PRSS50: variants seen among roughly 807,000 people sequenced by gnomAD.
The protein encoded by PRSS50 is serine protease 50, also known as probable threonine protease PRSS50.
A neutral mutation model predicts 34.2 loss-of-function variants in PRSS50; 23 were observed. The observed-to-expected ratio is 0.67, with a 90% CI of 0.48 to 0.95. PRSS50 has a LOEUF of 0.95. Ranked by LOEUF, PRSS50 falls within the 40% of genes least tolerant of loss-of-function variation. The pLI, the probability that PRSS50 is intolerant of heterozygous loss-of-function variation, is 0.00. For synonymous variants in PRSS50, 224 were observed against 211.2 expected, an observed-to-expected ratio of 1.06 and a Z score of -0.53; for missense variants, 484 against 513.4, an observed-to-expected ratio of 0.94 and a Z score of 0.55.
rs370973481 is a variant in PRSS50, at chr3:46,712,452, T to C, written c.952A>G (p.Met318Val). 20 of 1,614,052 alleles carry C rather than the reference T, an allele frequency of 1.2e-5. No homozygotes were observed. In the African/African-American group the frequency reaches 2.4e-4, roughly 19 times the overall value. ...CCCACCAGGTACCACGTGCCCTCCA[T>C]GGAGCAGACCAAGGGCTCTCCAGTT... ...ELTGEPLVCS[M>V]EGTWYLVGLV... The change falls in exon 6 of 6, where the codon ATG (methionine) becomes GTG (valine). Residue 318 changes from methionine to valine, a missense_variant. Transcript: ENST00000315170.
rs748577656 is a variant in PRSS50 at position 46,712,386 on chromosome 3, G to A, written c.1018C>T (p.Pro340Ser). The A allele has an allele frequency of 2.0e-5, 33 of 1,613,742 alleles. No homozygotes were observed. The highest frequency in any genetic ancestry group is 2.6e-5 in the Non-Finnish European group (31 of 1,179,930). Residue 340 changes from proline (P) to serine (S), a missense_variant, in exon 6 of 6, where the codon CCA (proline) becomes TCA (serine). By Grantham distance (74) the Pro-to-Ser change is moderately conservative (BLOSUM62 -1). Coordinates refer to ENST00000315170, the MANE Select transcript of PRSS50 (RefSeq NM_013270.5). Reference protein sequence around the residue: ...WGAGCQKSEAPPIYLQVSSYQ... With the variant: ...WGAGCQKSEASPIYLQVSSYQ... ...GAGGAGACCTGTAGGTAGATGGGTG[G>A]GGCCTCGCTCTTCTGGCAGCCTGCA...
In PRSS50 at chr3:46,717,781, C is replaced by T. The variant is rs372386834; in HGVS notation, c.44G>A (p.Arg15Gln). The part of the protein sequence containing the change: ...CQTVARGQRP[R>Q]TSAPSRAGAL... ...ACCGGCGCGGGAGGGGGCAGACGTC[C>T]GGGGGCGCTGCCCGCGCGCGACGGT... The change falls in exon 1 of 6, where the codon CGG becomes CAG. Residue 15 changes from arginine (R) to glutamine (Q), a missense_variant. Coordinates refer to ENST00000315170, the MANE Select transcript of PRSS50 (RefSeq NM_013270.5). The surrounding 1 kb of genome is among the most constrained non-coding windows in gnomAD (Gnocchi z 4.5). 2.3e-4 allele frequency: 367 copies of T among 1,563,774 alleles called. No individual in the cohort carries two copies. The highest frequency in any genetic ancestry group is 2.9e-4 in the Non-Finnish European group (331 of 1,155,982).
At chr3:46,714,005 G>A (rs1389621582) in intron 4 of PRSS50, among the ~76,000 whole-genome samples, 1 of 152,218 alleles carries the variant, frequency 6.6e-6, no homozygotes, top group Admixed American at 6.5e-5. Context: ...AAGGCAATCA[G>A]GGTCCCCTGA....
chr3:46,714,426 C>T lies in PRSS50; in HGVS notation c.546G>A (p.Pro182=), dbSNP rs556508011. The T allele has an allele frequency of 3.4e-5, 55 of 1,612,040 alleles. 2 individuals are homozygous for T. The South Asian group carries it at 5.4e-4, about 16-fold the overall frequency. Residue 182 remains proline, a synonymous_variant, in exon 4 of 6, where the codon CCG becomes CCA. Coordinates refer to ENST00000315170, the MANE Select transcript of PRSS50 (RefSeq NM_013270.5). ...TGCTATGCATGATGACCTGGAGCACCGGGACATCGGAGGCGGTCTGCGTCA... is the reference window on the plus strand; with the variant it reads ...TGCTATGCATGATGACCTGGAGCACTGGGACATCGGAGGCGGTCTGCGTCA... ...DQMTQTASDV[P]VLQVIMHSRY... is the part of the protein sequence containing the mutation.
chr3:46,717,605 G>C lies in PRSS50; in HGVS notation c.139C>G (p.Leu47Val), dbSNP rs1326858594. The C allele has an allele frequency of 6.2e-7, 1 of 1,613,362 alleles. No individual in the cohort carries two copies. Among genetic ancestry groups the C allele is most frequent in the Non-Finnish European group, 8.5e-7 (1 of 1,179,822 alleles). ...TGGTCGGCGGGATCAGCAGTGGACA[G>C]CGCCCCCGGGGCTTCCCCTGCGCCC... is the stretch of plus-strand genomic sequence containing the variant. ...CWGAGEAPGA[L>V]STADPADQSV... Residue 47 changes from leucine to valine, a missense_variant, in exon 2 of 6, where the codon CTG (leucine) becomes GTG (valine). Leu to Val is a conservative substitution (Grantham distance 32, BLOSUM62 1). Transcript: ENST00000315170. This position sits in a 1 kb window ranked among gnomAD's most constrained non-coding sequence, Gnocchi z 4.5.
intron 4 of PRSS50, among the ~76,000 whole-genome samples, 173 bp downstream of exon 4, chr3:46,714,045 G>A (rs1449192571): frequency 1.3e-5 from 2 of 152,198 alleles, no homozygotes; most frequent in African/African-American, 4.8e-5. Context: ...TGTTCCCCAC[G>A]AGATCCTCAA....
chr3:46,712,395 T>C lies in PRSS50; in HGVS notation c.1009A>G (p.Ser337Gly). Residue 337 changes from serine (S) to glycine (G), a missense_variant, in exon 6 of 6, where the codon AGC becomes GGC. By Grantham distance (56) the Ser-to-Gly change is moderately conservative (BLOSUM62 0). Transcript: ENST00000315170. ...TGTAGGTAGATGGGTGGGGCCTCGC[T>C]CTTCTGGCAGCCTGCACCCCAGCTC... ...LVSWGAGCQK[S>G]EAPPIYLQVS... is the part of the protein sequence containing the mutation. The C allele has an allele frequency of 6.2e-7, 1 of 1,613,798 alleles. No homozygotes were observed. Among genetic ancestry groups the C allele is most frequent in the Non-Finnish European group, 8.5e-7 (1 of 1,179,920 alleles).
Position 46,717,579 on chromosome 3 carries a change from C to G in PRSS50, c.165G>C (p.Gln55His), listed in dbSNP as rs1700700737. 1.9e-6 allele frequency: 3 copies of G among 1,613,722 alleles called. No homozygotes were observed. Among genetic ancestry groups the G allele is most frequent in the South Asian group, 1.1e-5 (1 of 91,082 alleles). Residue 55 changes from glutamine to histidine, a missense_variant, in exon 2 of 6, where the codon CAG becomes CAC. Transcript: ENST00000315170. This position sits in a 1 kb window ranked among gnomAD's most constrained non-coding sequence, Gnocchi z 4.5. ...TGGCCTTGGGGACACACTGGACGCT[C>G]TGGTCGGCGGGATCAGCAGTGGACA... Reference protein sequence around the residue: ...GALSTADPADQSVQCVPKATC... With the variant: ...GALSTADPADHSVQCVPKATC...
Position 46,715,638 on chromosome 3 carries a change from G to A in PRSS50, c.367C>T (p.Arg123Trp), listed in dbSNP as rs768513309. 1.2e-5 allele frequency: 19 copies of A among 1,611,454 alleles called. No homozygotes were observed. The highest frequency in any genetic ancestry group is 2.2e-5 in the South Asian group (2 of 90,808). The change falls in exon 3 of 6, where the codon CGG becomes TGG. Residue 123 changes from arginine (R) to tryptophan (W), a missense_variant. Transcript: ENST00000315170. The surrounding 1 kb of genome is among the most constrained non-coding windows in gnomAD (Gnocchi z 5.2). The part of the protein sequence containing the change: ...TLRDPEAVAR[R>W]WPWMVSVRAN... ...CGCACGCTGACCATCCAGGGCCACCGCCGAGCCACGGCTTCTGGGTCCCTG... is the reference window on the plus strand; with the variant it reads ...CGCACGCTGACCATCCAGGGCCACCACCGAGCCACGGCTTCTGGGTCCCTG...
chr3:46,715,662 T>C lies in PRSS50; in HGVS notation c.343A>G (p.Arg115Gly). 2 of 1,610,192 alleles carry C rather than the reference T, an allele frequency of 1.2e-6. No individual in the cohort carries two copies. The highest frequency in any genetic ancestry group is 1.7e-6 in the Non-Finnish European group (2 of 1,178,222). The change falls in exon 3 of 6, where the codon AGG (arginine) becomes GGG (glycine). Residue 115 changes from arginine (R) to glycine (G), a missense_variant. Arg to Gly is a moderately radical substitution (Grantham distance 125, BLOSUM62 -2). Transcript: ENST00000315170. This position sits in a 1 kb window ranked among gnomAD's most constrained non-coding sequence, Gnocchi z 5.2. Reference protein sequence around the residue: ...GFSYEQDPTLRDPEAVARRWP... With the variant: ...GFSYEQDPTLGDPEAVARRWP... ...CGCCGAGCCACGGCTTCTGGGTCCC[T>C]GAGGGTGGGGTCCTGCTCGTAGGAA...
chr3:46,712,510 TCAGGGAGGC>T, intron 5 of PRSS50, 28 bp from the exon 6 acceptor site: 1 of 1,608,456 alleles, frequency 6.2e-7, no homozygotes, highest in African/African-American at 1.3e-5. Context: ...GGAGTAAGGG[TCAGGGAGGC>T]CAGGCAAGGC....
chr3:46,715,823 T>A lies in PRSS50; in HGVS notation c.308-126A>T. 9.7e-7 allele frequency: 1 copy of A among 1,031,594 alleles called. No individual in the cohort carries two copies. Among genetic ancestry groups the A allele is most frequent in the Non-Finnish European group, 1.4e-6 (1 of 715,504 alleles). The allele number at this position is 1,031,594 out of a possible 1,614,324, so 63.9% of individuals were successfully genotyped here. A position where few individuals can be genotyped will look rare whatever the true frequency, so the allele number is the denominator to read the frequency against. ...TCCAGGGGTGCTCCCTTTTCACCTG[T>A]CACCATGGAATGATGCTGTCCACAT... is the stretch of plus-strand genomic sequence containing the variant. On this transcript the variant is annotated intron_variant, in intron 2 of 5. Transcript: ENST00000315170. This position sits in a 1 kb window ranked among gnomAD's most constrained non-coding sequence, Gnocchi z 5.2.
chr3:46,715,831 G>T lies in PRSS50; in HGVS notation c.308-134C>A. 2 of 939,458 alleles carry T rather than the reference G, an allele frequency of 2.1e-6. No homozygotes were observed. The highest frequency in any genetic ancestry group is 3.2e-6 in the Non-Finnish European group (2 of 633,230). 58.2% of individuals were successfully genotyped at this position (939,458 alleles called of 1,614,324 possible). ...TGCTCCCTTTTCACCTGTCACCATG[G>T]AATGATGCTGTCCACATGTGGACTG... On this transcript the variant is annotated intron_variant, in intron 2 of 5. Transcript: ENST00000315170. This position sits in a 1 kb window ranked among gnomAD's most constrained non-coding sequence, Gnocchi z 5.2.
In PRSS50 at chr3:46,717,330, C is replaced by T. The variant is rs753241698; in HGVS notation, c.307+107G>A. The T allele has an allele frequency of 7.7e-7, 1 of 1,296,450 alleles. No homozygotes were observed. Among genetic ancestry groups the T allele is most frequent in the Non-Finnish European group, 1.1e-6 (1 of 927,302 alleles). The allele number at this position is 1,296,450 out of a possible 1,614,324, so 80.3% of individuals were successfully genotyped here. On this transcript the variant is annotated intron_variant, in intron 2 of 5. Transcript: ENST00000315170. This position sits in a 1 kb window ranked among gnomAD's most constrained non-coding sequence, Gnocchi z 4.5. The stretch of plus-strand genomic sequence containing the variant: ...AACACCTGTAGAAGGAGGCGCTCCT[C>T]TATCCTGCTCGCCCCCGTCCCTTCT...
In PRSS50 at chr3:46,715,805, G is replaced by A; in HGVS notation, c.308-108C>T. 8.0e-7 allele frequency: 1 copy of A among 1,252,882 alleles called. No homozygotes were observed. 77.6% of individuals were successfully genotyped at this position (1,252,882 alleles called of 1,614,324 possible). A position where few individuals can be genotyped will look rare whatever the true frequency, so the allele number is the denominator to read the frequency against. ...GCCACTGGCCTGCACCCATCCAGGG[G>A]TGCTCCCTTTTCACCTGTCACCATG... is the stretch of plus-strand genomic sequence containing the variant. On this transcript the variant is annotated intron_variant, in intron 2 of 5. Coordinates refer to ENST00000315170, the MANE Select transcript of PRSS50 (RefSeq NM_013270.5). This position sits in a 1 kb window ranked among gnomAD's most constrained non-coding sequence, Gnocchi z 5.2.
At chr3:46,712,568 A>C in intron 5 of PRSS50, 86 bp from the exon 6 acceptor site, 2 of 1,230,376 alleles carry the variant, frequency 1.6e-6, no homozygotes, top group Non-Finnish European at 2.4e-6. Flanking sequence ...GGATGTCCTC[A>C]CACCACACCT....
intron 5 of PRSS50, 37 bp downstream of exon 5, chr3:46,712,864 G>A (rs752888081): frequency 2.5e-6 from 4 of 1,603,950 alleles, no homozygotes; most frequent in Non-Finnish European, 2.6e-6. Context: ...TCCCCCAGGT[G>A]CCCCTGAAGG....
At chr3:46,713,415 C>T (rs953536424) in intron 4 of PRSS50, among the ~76,000 whole-genome samples, 3 of 152,224 alleles carry the variant, frequency 2.0e-5, no homozygotes, top group Non-Finnish European at 4.4e-5. Flanking sequence ...TCCCACAGGC[C>T]TCTTCCCTGC....
rs1700696347 is a variant in PRSS50 at position 46,717,344 on chromosome 3, C to T, written c.307+93G>A. 2 of 1,426,040 alleles carry T rather than the reference C, an allele frequency of 1.4e-6. No individual in the cohort carries two copies. Among genetic ancestry groups the T allele is most frequent in the Admixed American group, 1.8e-5 (1 of 55,294 alleles). The allele number at this position is 1,426,040 out of a possible 1,614,324, so 88.3% of individuals were successfully genotyped here. A position where few individuals can be genotyped will look rare whatever the true frequency, so the allele number is the denominator to read the frequency against. ...GAGGCGCTCCTCTATCCTGCTCGCCCCCGTCCCTTCTGCTCCCCTAGCCCC... is the reference window on the plus strand; with the variant it reads ...GAGGCGCTCCTCTATCCTGCTCGCCTCCGTCCCTTCTGCTCCCCTAGCCCC... On this transcript the variant is annotated intron_variant, in intron 2 of 5. Transcript: ENST00000315170. This position sits in a 1 kb window ranked among gnomAD's most constrained non-coding sequence, Gnocchi z 4.5.
Sources: gnomAD v4.1 joint callset for allele counts (sites outside exome capture counted in the v4.1 genomes callset) on GRCh38, gnomAD v4.1.1 for gene constraint, Gnocchi (gnomAD v3.1) non-coding constraint, MANE v1.5 for transcripts, NCBI Gene and HGNC (gene_info 2026-07-23, HGNC 2026-07-21) for gene names.